Variants in THADA observed in about 807,000 individuals in gnomAD.
THADA encodes the protein tRNA (32-2'-O)-methyltransferase regulator THADA.
A neutral mutation model predicts 219.8 loss-of-function variants in THADA; 213 were observed. The ratio of observed to expected loss-of-function variants is 0.97; its 90% CI spans 0.87 to 1.09. The LOEUF (loss-of-function observed/expected upper bound fraction) is 1.09, where lower values mean the gene tolerates loss of function less well. THADA is among the 50% of genes least tolerant of loss of function. The probability of loss-of-function intolerance (pLI) is 0.00; values close to 1 mark genes in which losing one functional copy is unlikely to be tolerated. For missense variants in THADA, 2,956 were observed against 2,311.3 expected (o/e 1.28, Z -5.72); for synonymous variants, 1,018 against 828.9 (o/e 1.23, Z -3.92).
intron 26 of THADA, among the ~76,000 whole-genome samples, chr2:43,482,576 A>G (rs1328876130): frequency 6.6e-6 from 1 of 152,186 alleles, no homozygotes; most frequent in East Asian, 1.9e-4. Context: ...TAGTGGTTAT[A>G]TTGTAACAAA....
intron 21 of THADA, among the ~76,000 whole-genome samples, chr2:43,533,887 C>T (rs562952033): frequency 9.2e-5 from 14 of 152,220 alleles, no homozygotes; most frequent in African/African-American, 3.4e-4. Context: ...GCACATGTCT[C>T]CCAGAACTTA....
intron 26 of THADA, among the ~76,000 whole-genome samples, chr2:43,466,617 A>G (rs953632195): frequency 1.3e-5 from 2 of 152,154 alleles, no homozygotes; most frequent in Admixed American, 6.5e-5. Context: ...CAGCAGGTCA[A>G]TATACCCTAC....
chr2:43,445,888 G>T (rs1681463021), intron 26 of THADA, among the ~76,000 whole-genome samples: 1 of 152,156 alleles, frequency 6.6e-6, no homozygotes, highest in Non-Finnish European at 1.5e-5. Flanking sequence ...TGCTTTCAAG[G>T]TGGAGAATTC....
In THADA at chr2:43,247,287, A is replaced by G. The variant is rs1669252436; in HGVS notation, c.5297-14405T>C. Among the ~76,000 whole-genome samples, 3 of 152,234 alleles carry G rather than the reference A, an allele frequency of 2.0e-5. No homozygotes were observed. In the South Asian group the frequency reaches 6.2e-4, roughly 31 times the overall value. On this transcript the variant is annotated intron_variant, in intron 36 of 37. Transcript: ENST00000405975. ...TTCAAAGTAACCGACCCCAGAAGTCATTTTGTTAGTAACACTAAAAACTGC... is the reference window on the plus strand; with the variant it reads ...TTCAAAGTAACCGACCCCAGAAGTCGTTTTGTTAGTAACACTAAAAACTGC...
At chr2:43,371,814 A>G (rs565963618) in intron 29 of THADA, among the ~76,000 whole-genome samples, 2 of 152,084 alleles carry the variant, frequency 1.3e-5, no homozygotes, top group African/African-American at 4.8e-5. Context: ...AATTGCTTAG[A>G]GGGTCCGCTA....
chr2:43,530,546 C>T (rs1425328602), intron 21 of THADA, among the ~76,000 whole-genome samples: 1 of 152,134 alleles, frequency 6.6e-6, no homozygotes, highest in East Asian at 1.9e-4. Context: ...TAAGAAGGTA[C>T]TTAAAGACAG....
At chr2:43,370,098 A>C (rs1055697891) in intron 29 of THADA, 1 of 152,208 alleles carries the variant, frequency 6.6e-6, no homozygotes, top group African/African-American at 2.4e-5. Context: ...AGTTCAAAAA[A>C]ACTCCACGTC....
chr2:43,315,110 G>C (rs1677930639), intron 31 of THADA, among the ~76,000 whole-genome samples: 1 of 152,188 alleles, frequency 6.6e-6, no homozygotes, highest in Non-Finnish European at 1.5e-5. Flanking sequence ...GAGGGGATGA[G>C]CAGATGCTCC....
intron 22 of THADA, among the ~76,000 whole-genome samples, chr2:43,514,900 T>A (rs1276559517): frequency 2.5e-5 from 2 of 80,010 alleles, no homozygotes; most frequent in Admixed American, 2.4e-4. Flanking sequence ...ATATTTTATG[T>A]ATAATATATA....
intron 24 of THADA, among the ~76,000 whole-genome samples, chr2:43,499,222 A>G (rs1188769614): frequency 1.3e-5 from 2 of 152,218 alleles, no homozygotes; most frequent in African/African-American, 2.4e-5. Flanking sequence ...CAGAGACAAC[A>G]CATTCTTTTC....
chr2:43,585,217 C>T (rs955059238), intron 7 of THADA, among the ~76,000 whole-genome samples: 5 of 151,900 alleles, frequency 3.3e-5, no homozygotes, highest in African/African-American at 1.2e-4. Context: ...CGTTATTAAA[C>T]ATGACTACCC....
Position 43,291,701 on chromosome 2 carries a change from C to G in THADA, c.5005G>C (p.Val1669Leu), listed in dbSNP as rs1380703821. The G allele has an allele frequency of 1.3e-6, 2 of 1,554,032 alleles. No individual in the cohort carries two copies. The highest frequency in any genetic ancestry group is 1.7e-6 in the Non-Finnish European group (2 of 1,147,094). The change falls in exon 34 of 38, where the codon GTG becomes CTG. Residue 1669 changes from valine to leucine, a missense_variant. Coordinates refer to ENST00000405975, the MANE Select transcript of THADA (RefSeq NM_022065.5). ...AAGATCAGAACCAGCCTTACCTCCA[C>G]ACATGTCTGCATGTGGTGGGAAATG... Reference protein sequence around the residue: ...KVISHHMQTCVENRELIAAEL... With the variant: ...KVISHHMQTCLENRELIAAEL...
chr2:43,374,267 A>G (rs1324848834), intron 29 of THADA, among the ~76,000 whole-genome samples: 2 of 152,240 alleles, frequency 1.3e-5, no homozygotes, highest in African/African-American at 4.8e-5. Context: ...TTTACAAATA[A>G]TACAGCAAAT....
intron 29 of THADA, among the ~76,000 whole-genome samples, chr2:43,397,250 A>G (rs1674180693): frequency 6.6e-6 from 1 of 152,164 alleles, no homozygotes; most frequent in Non-Finnish European, 1.5e-5. Flanking sequence ...ATAAACCAGG[A>G]ACATGACCTG....
intron 36 of THADA, among the ~76,000 whole-genome samples, chr2:43,239,733 G>T (rs1169025959): frequency 6.6e-6 from 1 of 152,176 alleles, no homozygotes; most frequent in East Asian, 1.9e-4. Context: ...AATGGCAATG[G>T]GTTGAATTCT....
chr2:43,516,371 T>C (rs1347340859), intron 22 of THADA, among the ~76,000 whole-genome samples: 1 of 152,180 alleles, frequency 6.6e-6, no homozygotes, highest in Non-Finnish European at 1.5e-5. Flanking sequence ...TGATCTCATC[T>C]ACAACTCTTT....
intron 22 of THADA, among the ~76,000 whole-genome samples, chr2:43,524,384 G>A (rs1038070445): frequency 6.6e-6 from 1 of 152,204 alleles, no homozygotes; most frequent in Admixed American, 6.5e-5. Flanking sequence ...TGTGGGTCAT[G>A]TTTAACTCTT....
At chr2:43,254,429 C>T (rs919536378) in intron 36 of THADA, among the ~76,000 whole-genome samples, 13 of 151,992 alleles carry the variant, frequency 8.6e-5, no homozygotes, top group African/African-American at 3.1e-4. Flanking sequence ...AGTATGCCTC[C>T]CTTATGCTGA....
intron 30 of THADA, among the ~76,000 whole-genome samples, chr2:43,341,345 G>A (rs1260259217): frequency 6.6e-6 from 1 of 152,174 alleles, no homozygotes; most frequent in Admixed American, 6.5e-5. Flanking sequence ...AGAAAAATCA[G>A]AAGTGGGGTG....
Sources: gnomAD v4.1 joint callset for allele counts (sites outside exome capture counted in the v4.1 genomes callset) on GRCh38, gnomAD v4.1.1 for gene constraint, MANE v1.5 for transcripts, NCBI Gene and HGNC (gene_info 2026-07-23, HGNC 2026-07-21) for gene names.